SF1: variants seen among roughly 807,000 people sequenced by gnomAD.
SF1 encodes splicing factor 1, also known as branch point-binding protein.
SF1 carries 7 observed loss-of-function variants against 62.5 expected under a neutral mutation model. That is an observed-to-expected ratio of 0.11 (90% CI 0.06 to 0.21). SF1 has a LOEUF of 0.21. Ranked by LOEUF, SF1 falls within the 10% of genes least tolerant of loss-of-function variation. SF1 has a pLI of 1.00. For missense variants in SF1, 578 were observed against 884.0 expected (o/e 0.65, Z 4.39); for synonymous variants, 394 against 323.6 (o/e 1.22, Z -2.33).
At chr11:64,770,651 G>A (rs927924628) in intron 3 of SF1, 2 of 374,724 alleles carry the variant, frequency 5.3e-6, no homozygotes, top group Non-Finnish European at 9.7e-6. Context: ...ATCTAGAAGT[G>A]ATGAGAGGAA....
In SF1 at chr11:64,769,155, C is replaced by T. The variant is rs766531742; in HGVS notation, c.780-26G>A. 5.0e-6 allele frequency: 8 copies of T among 1,610,418 alleles called. No homozygotes were observed. The Admixed American group carries it at 8.3e-5, about 17-fold the overall frequency. ...CTATTAAAGGAAAAAGAGGTCAATG[C>T]AAGGGAACAATCTCTACTTCCATAG... On this transcript the variant is annotated intron_variant, in intron 7 of 12. Coordinates refer to ENST00000377390, the MANE Select transcript of SF1 (RefSeq NM_004630.4).
intron 1 of SF1, chr11:64,778,083 G>C: frequency 3.1e-6 from 3 of 964,182 alleles, no homozygotes; most frequent in Non-Finnish European, 2.5e-6. Flanking sequence ...AGCGGCGGCG[G>C]AGGGGGCGGC....
At position 64,764,796 on chromosome 11, in the gene SF1, A is replaced by G. The variant is rs1165708869; in HGVS notation, c.*1022T>C. 1.3e-5 allele frequency: 2 copies of G among 152,554 alleles called. No individual in the cohort carries two copies. Among genetic ancestry groups the G allele is most frequent in the Non-Finnish European group, 2.9e-5 (2 of 68,122 alleles). The allele number at this position is 152,554 out of a possible 1,614,324, so 9.5% of individuals were successfully genotyped here. A position where few individuals can be genotyped will look rare whatever the true frequency, so the allele number is the denominator to read the frequency against. On this transcript the variant is annotated 3_prime_UTR_variant, in exon 13 of 13. Transcript: ENST00000377390. ...GGAGGAAAAAGGAAGGAGAATGAAC[A>G]AGGGGCTCAAACCCCTACACACTGC...
At chr11:64,776,469 G>C in intron 2 of SF1, 29 bp downstream of exon 2, 2 of 1,566,506 alleles carry the variant, frequency 1.3e-6, no homozygotes, top group Non-Finnish European at 1.7e-6. Flanking sequence ...CAATCTCAAA[G>C]TGCATTTGGA....
In SF1 at chr11:64,777,857, T is replaced by TCCGCCCGGGCCTCCC. The variant is rs1348402148; in HGVS notation, c.31+490_31+504dup. On this transcript the variant is annotated intron_variant, in intron 1 of 12. Transcript: ENST00000377390. ...CAGGCCGCGCGCGCCCAGGGGCGCC[T>TCCGCCCGGGCCTCCC]CCGCCCGGGCCTCCCCGTGCGCGCA... 6 of 930,178 alleles carry TCCGCCCGGGCCTCCC rather than the reference T, an allele frequency of 6.5e-6. No homozygotes were observed. In the East Asian group the frequency reaches 6.1e-4, roughly 94 times the overall value. The allele number at this position is 930,178 out of a possible 1,614,324, so 57.6% of individuals were successfully genotyped here. A position where few individuals can be genotyped will look rare whatever the true frequency, so the allele number is the denominator to read the frequency against.
chr11:64,764,816 C>T lies in SF1; in HGVS notation c.*1002G>A, dbSNP rs1248144082. Reference sequence around the variant, plus strand: ...TGAACAAGGGGCTCAAACCCCTACACACTGCAAAACATTCAGACATTTGGG... The same window carrying T: ...TGAACAAGGGGCTCAAACCCCTACATACTGCAAAACATTCAGACATTTGGG... On this transcript the variant is annotated 3_prime_UTR_variant, in exon 13 of 13. Transcript: ENST00000377390. 2 of 152,532 alleles carry T rather than the reference C, an allele frequency of 1.3e-5. No homozygotes were observed. The highest frequency in any genetic ancestry group is 3.8e-4 in the East Asian group (2 of 5,202). The allele number at this position is 152,532 out of a possible 1,614,324, so 9.4% of individuals were successfully genotyped here.
In SF1 at chr11:64,770,047, T is replaced by C; in HGVS notation, c.396A>G (p.Pro132=). 1.2e-6 allele frequency: 2 copies of C among 1,613,686 alleles called. No homozygotes were observed. The highest frequency in any genetic ancestry group is 1.7e-6 in the Non-Finnish European group (2 of 1,179,614). The part of the protein sequence containing the change: ...DFKPPADYKP[P]ATRVSDKVMI... ...TGACTTTATCACTCACACGTGTTGC[T>C]GGAGGTCTAAGAAAGAAAAGCCTGT... is the stretch of plus-strand genomic sequence containing the variant. Residue 132 remains proline, a synonymous_variant, in exon 5 of 13, where the codon CCA becomes CCG. Coordinates refer to ENST00000377390, the MANE Select transcript of SF1 (RefSeq NM_004630.4).
rs1169059708 is a variant in SF1, at chr11:64,769,629, T to G, written c.480-20A>C. ...TTCCCTCTAGAGAGGCAGAAATGAC[T>G]AAGTTTATACCTGACAAATTCACAC... On this transcript the variant is annotated intron_variant, in intron 5 of 12. Transcript: ENST00000377390. 3.1e-6 allele frequency: 5 copies of G among 1,604,592 alleles called. No individual in the cohort carries two copies. The highest frequency in any genetic ancestry group is 4.3e-6 in the Non-Finnish European group (5 of 1,172,882).
rs1439804441 is a variant in SF1, at chr11:64,770,249, C to T, written c.389+7G>A. The T allele has an allele frequency of 8.1e-6, 13 of 1,609,788 alleles. No individual in the cohort carries two copies. The highest frequency in any genetic ancestry group is 1.7e-5 in the Admixed American group (1 of 59,958). ...TTCATCCCAGATGACCGAGCCCCTC[C>T]GCTTACTTGTAATCTGCAGGTGGCT... is the stretch of plus-strand genomic sequence containing the variant. On this transcript the variant is annotated splice_region_variant and intron_variant, in intron 4 of 12. Transcript: ENST00000377390.
intron 9 of SF1, 72 bp downstream of exon 9, chr11:64,768,034 G>A (rs1314054314): frequency 3.9e-6 from 6 of 1,519,304 alleles, no homozygotes; most frequent in Admixed American, 4.2e-5. Context: ...CCCAAACCAC[G>A]TGGCCATAGC....
Position 64,765,927 on chromosome 11 carries a change from G to A in SF1, c.1811C>T (p.Pro604Leu), listed in dbSNP as rs377601282. ...AAAGTTAGAAGGGTCCATGGGAGGC[G>A]GAGGAGGAGGGGGCGGGGCATACAT... is the stretch of plus-strand genomic sequence containing the variant. The part of the protein sequence containing the change: ...GMMYAPPPPP[P>L]PPMDPSNFVT... The change falls in exon 13 of 13, where the codon CCG becomes CTG. Residue 604 changes from proline (P) to leucine (L), a missense_variant. Physicochemically the swap from Pro to Leu is moderately conservative, Grantham distance 98. Coordinates refer to ENST00000377390, the MANE Select transcript of SF1 (RefSeq NM_004630.4). 27 of 1,568,374 alleles carry A rather than the reference G, an allele frequency of 1.7e-5. No homozygotes were observed. The highest frequency in any genetic ancestry group is 1.8e-5 in the Non-Finnish European group (21 of 1,157,216).
rs1937857878 is a variant in SF1 at position 64,769,045 on chromosome 11, A to T, written c.864T>A (p.Ile288=). The T allele has an allele frequency of 1.2e-6, 2 of 1,613,432 alleles. No individual in the cohort carries two copies. The highest frequency in any genetic ancestry group is 1.3e-5 in the African/African-American group (1 of 74,872). ...VCTKCGGAGH[I]ASDCKFQRPG... ...ACCTTTGGAATTTACAGTCTGAAGC[A>T]ATGTGGCCAGCCCCTCCACACTTGG... The change falls in exon 8 of 13, where the codon ATT becomes ATA. Residue 288 remains isoleucine, a synonymous_variant. Coordinates refer to ENST00000377390, the MANE Select transcript of SF1 (RefSeq NM_004630.4).
chr11:64,769,767 T>C (rs1382620420), intron 5 of SF1, 158 bp from the exon 6 acceptor site: 3 of 775,542 alleles, frequency 3.9e-6, no homozygotes, highest in Non-Finnish European at 2.1e-6. Context: ...TCAGCCACAG[T>C]AAACCTGAGG....
In SF1 at chr11:64,767,264, A is replaced by G. The variant is rs778645805; in HGVS notation, c.1343-13T>C. ...CCCAGGTACTGATCTTGATGGAAGG[A>G]AAGAGCAGGGACTTAGCAGGACATT... is the stretch of plus-strand genomic sequence containing the variant. On this transcript the variant is annotated splice_polypyrimidine_tract_variant and intron_variant, in intron 10 of 12. Transcript: ENST00000377390. The G allele has an allele frequency of 5.6e-6, 9 of 1,613,536 alleles. No homozygotes were observed. The East Asian group carries it at 1.3e-4, about 24-fold the overall frequency.
At chr11:64,767,480 C>CA (rs2058761807) in intron 10 of SF1, 91 bp downstream of exon 10, 1 of 1,338,902 alleles carries the variant, frequency 7.5e-7, no homozygotes, top group African/African-American at 1.5e-5. Flanking sequence ...ATTGCCCAGC[C>CA]ACTTGAGAGC....
At chr11:64,766,525 G>A in intron 12 of SF1, 1 of 431,048 alleles carries the variant, frequency 2.3e-6, no homozygotes. Flanking sequence ...TCCCACCTCT[G>A]CAGTCTCTCA....
intron 2 of SF1, 142 bp downstream of exon 2, chr11:64,776,356 A>C: frequency 4.5e-6 from 4 of 883,190 alleles, no homozygotes; most frequent in Non-Finnish European, 7.3e-6. Flanking sequence ...CTGGGCAAAA[A>C]CTGACAGATG....
intron 10 of SF1, 81 bp from the exon 11 acceptor site, chr11:64,767,332 T>C: frequency 2.2e-6 from 3 of 1,375,144 alleles, no homozygotes; most frequent in Non-Finnish European, 3.1e-6. Context: ...CCTCAGTTGC[T>C]ATCCTTACGC....
intron 1 of SF1, chr11:64,777,392 G>A (rs1565587818): frequency 3.5e-6 from 2 of 571,526 alleles, no homozygotes; most frequent in East Asian, 1.4e-4. Flanking sequence ...CGATCAGACT[G>A]AGATCTAAAC....
Sources: gnomAD v4.1 joint callset for allele counts on GRCh38, gnomAD v4.1.1 for gene constraint, MANE v1.5 for transcripts, NCBI Gene and HGNC (gene_info 2026-07-23, HGNC 2026-07-21) for gene names.